Variants in RPS6KA2 observed in about 807,000 individuals in gnomAD.
RPS6KA2 encodes the protein ribosomal protein S6 kinase alpha-2.
A neutral mutation model predicts 91.8 loss-of-function variants in RPS6KA2; 42 were observed. The observed-to-expected ratio is 0.46, with a 90% CI of 0.36 to 0.59. The LOEUF (loss-of-function observed/expected upper bound fraction) is 0.59, where lower values mean the gene tolerates loss of function less well. Among genes scored for constraint, RPS6KA2 ranks in the 20% least tolerant of loss-of-function variants. The pLI is 0.00. For synonymous variants in RPS6KA2, 414 were observed against 393.6 expected, an observed-to-expected ratio of 1.05 and a Z score of -0.61; for missense variants, 798 against 978.5, an observed-to-expected ratio of 0.82 and a Z score of 2.46.
chr6:166,453,227 AC>A (rs1178511818), intron 12 of RPS6KA2, among the ~76,000 whole-genome samples: 6 of 147,518 alleles, frequency 4.1e-5, no homozygotes, highest in African/African-American at 1.3e-4. Flanking sequence ...ACACACACAC[AC>A]ACAAAAAGGC....
intron 2 of RPS6KA2, among the ~76,000 whole-genome samples, chr6:166,855,960 G>A (rs4710121): frequency 0.59 from 88,969 of 152,038 alleles, 29,869 homozygotes; most frequent in Non-Finnish European, 0.75. Context: ...CTGATATTCC[G>A]TTATCAAAAA....
intron 10 of RPS6KA2, among the ~76,000 whole-genome samples, chr6:166,480,420 C>G (rs926974578): frequency 6.8e-6 from 1 of 147,016 alleles, no homozygotes; most frequent in Admixed American, 6.8e-5. Flanking sequence ...AATCTTCAAC[C>G]CTCGCTAGAT....
At chr6:166,571,483 A>G (rs1784684873) in intron 1 of RPS6KA2, among the ~76,000 whole-genome samples, 1 of 152,278 alleles carries the variant, frequency 6.6e-6, no homozygotes, top group South Asian at 2.1e-4. Flanking sequence ...AAATATTGAG[A>G]ACCACAAAAT....
chr6:166,517,455 G>GTTTGTTTTT (rs1782688393), intron 3 of RPS6KA2, among the ~76,000 whole-genome samples: 1 of 104,970 alleles, frequency 9.5e-6, no homozygotes, highest in African/African-American at 4.4e-5. Flanking sequence ...CTTTTGTTTT[G>GTTTGTTTTT]TTTTTTTTTT....
rs954068061 is a variant in RPS6KA2 at position 166,409,603 on chromosome 6, C to G, written c.*3159G>C. 6.6e-6 allele frequency: 1 copy of G among 152,452 alleles called. No individual in the cohort carries two copies. Among genetic ancestry groups the G allele is most frequent in the African/African-American group, 2.4e-5 (1 of 41,462 alleles). The allele number at this position is 152,452 out of a possible 1,614,324, so 9.4% of individuals were successfully genotyped here. ...AGTAGAACGACACAGATGCTGCAGC[C>G]TCCGTCCTCAGCCCCTCAAGCTGCG... On this transcript the variant is annotated 3_prime_UTR_variant, in exon 21 of 21. Coordinates refer to ENST00000265678, the MANE Select transcript of RPS6KA2 (RefSeq NM_021135.6).
chr6:166,443,961 C>G (rs921365102), intron 14 of RPS6KA2, among the ~76,000 whole-genome samples: 2 of 152,076 alleles, frequency 1.3e-5, no homozygotes, highest in African/African-American at 2.4e-5. Context: ...AATCTGCATA[C>G]GTGGATCCTC....
intron 2 of RPS6KA2, among the ~76,000 whole-genome samples, chr6:166,638,822 A>G (rs180969997): frequency 2.6e-5 from 4 of 152,328 alleles, no homozygotes; most frequent in Admixed American, 2.0e-4. Context: ...TACAGTGTAC[A>G]GGACAGGCTC....
rs1027390830 is a variant in RPS6KA2, at chr6:166,437,462, C to G, written c.1333-4972G>C. Reference sequence around the variant, plus strand: ...ACGCGCCACGGAGTAGGAGTGGTGTCGTGGGGCGGGGGACAAGCTCGCTCA... The same window carrying G: ...ACGCGCCACGGAGTAGGAGTGGTGTGGTGGGGCGGGGGACAAGCTCGCTCA... On this transcript the variant is annotated intron_variant, in intron 14 of 20. Coordinates refer to ENST00000265678, the MANE Select transcript of RPS6KA2 (RefSeq NM_021135.6). This position sits in a 1 kb window ranked among gnomAD's most constrained non-coding sequence, Gnocchi z 4.3. Among the ~76,000 whole-genome samples, 21 of 152,296 alleles carry G rather than the reference C, an allele frequency of 1.4e-4. No homozygotes were observed. Among genetic ancestry groups the G allele is most frequent in the Admixed American group, 9.8e-4 (15 of 15,294 alleles).
chr6:166,556,518 T>C (rs1385411884), intron 1 of RPS6KA2, among the ~76,000 whole-genome samples: 1 of 152,218 alleles, frequency 6.6e-6, no homozygotes, highest in African/African-American at 2.4e-5. Context: ...GAGTGGGTTG[T>C]GGTTGGGAAC....
At chr6:166,591,876 A>C (rs1403935778) in intron 1 of RPS6KA2, among the ~76,000 whole-genome samples, 3 of 152,148 alleles carry the variant, frequency 2.0e-5, no homozygotes, top group African/African-American at 7.2e-5. Flanking sequence ...ACTGAGTTCC[A>C]CAAGACAGAA....
rs71032871 is a variant in RPS6KA2, at chr6:166,641,719, C to CAAAA, written c.124-102939_124-102936dup. 2.3e-3 allele frequency among the ~76,000 whole-genome samples: 65 copies of CAAAA among 28,538 alleles called. 11 individuals carry two copies. Among genetic ancestry groups the CAAAA allele is most frequent in the East Asian group, 7.1e-3 (4 of 560 alleles). 18.7% of individuals were successfully genotyped at this position (28,538 alleles called of 152,430 possible). A position where few individuals can be genotyped will look rare whatever the true frequency, so the allele number is the denominator to read the frequency against. The stretch of plus-strand genomic sequence containing the variant: ...TGGGTAAAAGAGTGAGACTCTGTCA[C>CAAAA]AAAAAAAAAAAAAAAAAAAAAAAAA... On this transcript the variant is annotated intron_variant, in intron 2 of 21. Transcript: ENST00000503859.
chr6:166,615,775 A>G (rs537175324), intron 1 of RPS6KA2, among the ~76,000 whole-genome samples: 3 of 151,644 alleles, frequency 2.0e-5, no homozygotes, highest in Admixed American at 6.6e-5. Context: ...GGGAGAGCAC[A>G]CCCCCCCAGG....
rs549497912 is a variant in RPS6KA2 at position 166,493,504 on chromosome 6, G to C, written c.748-2763C>G. ...TGCCAAGGCTTCCGGGGTGAACTGA[G>C]AAAAGCCGAGGTTCATCTTGGGGTT... On this transcript the variant is annotated intron_variant, in intron 8 of 20. Coordinates refer to ENST00000265678, the MANE Select transcript of RPS6KA2 (RefSeq NM_021135.6). The surrounding 1 kb of genome is among the most constrained non-coding windows in gnomAD (Gnocchi z 4.7). Among the ~76,000 whole-genome samples, 1 of 152,232 alleles carries C rather than the reference G, an allele frequency of 6.6e-6. No individual in the cohort carries two copies. Among genetic ancestry groups the C allele is most frequent in the East Asian group, 1.9e-4 (1 of 5,176 alleles).
At chr6:166,826,730 A>T (rs1780057138) in intron 2 of RPS6KA2, among the ~76,000 whole-genome samples, 1 of 152,188 alleles carries the variant, frequency 6.6e-6, no homozygotes, top group East Asian at 1.9e-4. Context: ...GTTTACATTT[A>T]TGGACCCTAT....
intron 2 of RPS6KA2, among the ~76,000 whole-genome samples, chr6:166,691,035 T>G (rs1789192856): frequency 6.6e-6 from 1 of 152,252 alleles, no homozygotes; most frequent in African/African-American, 2.4e-5. Flanking sequence ...AATATATTCT[T>G]GATGGTTTTA....
intron 1 of RPS6KA2, chr6:166,544,785 G>C (rs1783772938): frequency 6.6e-6 from 1 of 152,172 alleles, no homozygotes; most frequent in Non-Finnish European, 1.5e-5. Flanking sequence ...GCTGGTGTGA[G>C]CAAATGTGAA....
chr6:166,584,849 C>G (rs569615774), intron 1 of RPS6KA2, among the ~76,000 whole-genome samples: 2 of 152,146 alleles, frequency 1.3e-5, no homozygotes, highest in East Asian at 1.9e-4. Flanking sequence ...CAATATTGGT[C>G]CAGAAACTCA....
intron 14 of RPS6KA2, among the ~76,000 whole-genome samples, chr6:166,440,528 TA>T (rs1779486526): frequency 6.6e-6 from 1 of 152,248 alleles, no homozygotes; most frequent in Non-Finnish European, 1.5e-5. Context: ...GAGTTATTTC[TA>T]AACAGAACTA....
At chr6:166,845,169 C>T (rs1470543428) in intron 2 of RPS6KA2, among the ~76,000 whole-genome samples, 1 of 151,984 alleles carries the variant, frequency 6.6e-6, no homozygotes, top group Non-Finnish European at 1.5e-5. Context: ...TATCACAATC[C>T]TAAATATATA....
Sources: allele counts gnomAD v4.1 joint callset (sites outside exome capture counted in the v4.1 genomes callset), GRCh38; gene constraint gnomAD v4.1.1; non-coding constraint Gnocchi (gnomAD v3.1); transcripts MANE v1.5; gene names NCBI Gene and HGNC (gene_info 2026-07-23, HGNC 2026-07-21).